VRK2: variants seen among roughly 807,000 people sequenced by gnomAD.
VRK2 encodes serine/threonine-protein kinase VRK2.
In VRK2, 60 loss-of-function variants were observed where a neutral mutation model predicts 57.6. That is an observed-to-expected ratio of 1.04 (90% CI 0.85 to 1.29). The LOEUF is 1.29. VRK2 is among the 50% of genes most tolerant of loss of function. The pLI, the probability that VRK2 is intolerant of heterozygous loss-of-function variation, is 0.00. For synonymous variants in VRK2, 231 were observed against 199.2 expected (o/e 1.16, Z -1.35); for missense variants, 705 against 588.1 (o/e 1.20, Z -2.06).
At chr2:57,911,129 GA>G (rs1669973307) in intron 1 of VRK2, among the ~76,000 whole-genome samples, 1 of 151,446 alleles carries the variant, frequency 6.6e-6, no homozygotes, top group African/African-American at 2.4e-5. Flanking sequence ...GGCAAAATAT[GA>G]AAATCATTAC....
chr2:57,997,394 GA>G lies in VRK2; in HGVS notation c.-438-28270del, dbSNP rs1388426603. 2.6e-5 allele frequency among the ~76,000 whole-genome samples: 4 copies of G among 152,188 alleles called. No homozygotes were observed. The East Asian group carries it at 7.7e-4, about 29-fold the overall frequency. ...AGAATATCCTCAGTGATGGGGAGTT[GA>G]GAGATGCAATAAGATCAATAAGAAA... On this transcript the variant is annotated intron_variant, in intron 1 of 15. Transcript: ENST00000417641.
At position 57,988,264 on chromosome 2, in the gene VRK2, T is replaced by TTTG. The variant is rs1572940957; in HGVS notation, c.-438-37401_-438-37400insTTG. On this transcript the variant is annotated intron_variant, in intron 1 of 15. Coordinates refer to the VRK2 transcript ENST00000417641. ...TTTAACATTTTCAAAATATTTATGTTAAAATCTCTTCACATAGTTTTATGA... is the reference window on the plus strand; with the variant it reads ...TTTAACATTTTCAAAATATTTATGTTTTGAAAATCTCTTCACATAGTTTTATGA... Among the ~76,000 whole-genome samples the TTTG allele has an allele frequency of 2.0e-5, 3 of 152,244 alleles. No individual in the cohort carries two copies. In the East Asian group the frequency reaches 5.8e-4, roughly 29 times the overall value.
At chr2:58,085,210 C>T (rs1671451741) in intron 4 of VRK2, among the ~76,000 whole-genome samples, 1 of 151,820 alleles carries the variant, frequency 6.6e-6, no homozygotes, top group Non-Finnish European at 1.5e-5. Context: ...TTAATCTAAG[C>T]TACCAAGAGT....
intron 7 of VRK2, among the ~76,000 whole-genome samples, chr2:58,103,326 G>T (rs1157348730): frequency 1.3e-5 from 2 of 150,730 alleles, no homozygotes; most frequent in East Asian, 3.9e-4. Flanking sequence ...TCTTTAAAAA[G>T]AAAAACTAAA....
intron 1 of VRK2, among the ~76,000 whole-genome samples, chr2:57,919,722 C>T (rs536520220): frequency 6.0e-4 from 92 of 152,172 alleles, no homozygotes; most frequent in African/African-American, 2.1e-3. Context: ...ACCTGGCAGG[C>T]AGCTAGGGGC....
At chr2:57,929,745 T>C (rs1302964535) in intron 1 of VRK2, among the ~76,000 whole-genome samples, 1 of 152,070 alleles carries the variant, frequency 6.6e-6, no homozygotes, top group Non-Finnish European at 1.5e-5. Flanking sequence ...TTGCTGATTA[T>C]TCAGGGTCCA....
At chr2:58,126,703 A>G (rs1405086042) in intron 8 of VRK2, among the ~76,000 whole-genome samples, 3 of 152,132 alleles carry the variant, frequency 2.0e-5, no homozygotes, top group Non-Finnish European at 4.4e-5. Flanking sequence ...ATCATTTAGT[A>G]TAAAATTAGA....
chr2:57,961,805 A>G (rs1391518274), intron 1 of VRK2, among the ~76,000 whole-genome samples: 1 of 152,178 alleles, frequency 6.6e-6, no homozygotes, highest in Non-Finnish European at 1.5e-5. Context: ...GGCTGGGGGC[A>G]GTGGCTCACG....
intron 7 of VRK2, among the ~76,000 whole-genome samples, chr2:58,113,326 A>T (rs1675874757): frequency 6.6e-6 from 1 of 151,938 alleles, no homozygotes; most frequent in South Asian, 2.1e-4. Flanking sequence ...AAAAAAAAAA[A>T]AAAAGACAGT....
intron 7 of VRK2, among the ~76,000 whole-genome samples, chr2:58,100,293 T>C (rs1245670770): frequency 6.6e-6 from 1 of 152,038 alleles, no homozygotes; most frequent in Non-Finnish European, 1.5e-5. Flanking sequence ...GTAGTGTTTC[T>C]TGTGTTCACC....
intron 3 of VRK2, among the ~76,000 whole-genome samples, chr2:58,039,587 G>A (rs758475689): frequency 1.3e-5 from 2 of 152,000 alleles, no homozygotes; most frequent in Non-Finnish European, 2.9e-5. Context: ...GCATATTAAA[G>A]ACTCAGGATT....
At chr2:58,054,907 G>A (rs1212881370) in intron 2 of VRK2, among the ~76,000 whole-genome samples, 1 of 152,188 alleles carries the variant, frequency 6.6e-6, no homozygotes, top group Non-Finnish European at 1.5e-5. Context: ...ATTATTTCAA[G>A]ATAATTGTTG....
At chr2:57,994,637 T>C (rs929237120) in intron 1 of VRK2, among the ~76,000 whole-genome samples, 1 of 152,162 alleles carries the variant, frequency 6.6e-6, no homozygotes, top group Non-Finnish European at 1.5e-5. Context: ...TCCCAAATTA[T>C]TGAGTTTTGG....
chr2:58,099,788 T>C (rs960494900), intron 7 of VRK2, among the ~76,000 whole-genome samples: 18 of 152,084 alleles, frequency 1.2e-4, no homozygotes, highest in African/African-American at 4.1e-4. Context: ...GGTTCTAGTT[T>C]CAGCACTGCC....
At chr2:57,969,199 C>A (rs1672016247) in intron 1 of VRK2, among the ~76,000 whole-genome samples, 1 of 151,788 alleles carries the variant, frequency 6.6e-6, no homozygotes, top group African/African-American at 2.4e-5. Flanking sequence ...AAGAGGGGAT[C>A]AACATGACAA....
At chr2:57,921,235 C>T (rs886785840) in intron 1 of VRK2, among the ~76,000 whole-genome samples, 3 of 151,868 alleles carry the variant, frequency 2.0e-5, no homozygotes, top group Non-Finnish European at 4.4e-5. Flanking sequence ...CTGGAGAAGG[C>T]ATCTAAGTAA....
In VRK2 at chr2:57,999,075, G is replaced by A. The variant is rs189667918; in HGVS notation, c.-438-26590G>A. On this transcript the variant is annotated intron_variant, in intron 1 of 15. Coordinates refer to the VRK2 transcript ENST00000417641. ...CATTATAAGGTATAAGGGGGTGGGGGGATCTCAGAACACTTGGGTTCATTT... is the reference window on the plus strand; with the variant it reads ...CATTATAAGGTATAAGGGGGTGGGGAGATCTCAGAACACTTGGGTTCATTT... 1.1e-4 allele frequency among the ~76,000 whole-genome samples: 17 copies of A among 151,936 alleles called. No homozygotes were observed. The East Asian group carries it at 3.1e-3, about 28-fold the overall frequency.
chr2:57,957,818 C>T (rs1019153889), intron 1 of VRK2, among the ~76,000 whole-genome samples: 3 of 151,992 alleles, frequency 2.0e-5, no homozygotes, highest in African/African-American at 7.2e-5. Flanking sequence ...TCCTTTCCAT[C>T]ACCCTAACTG....
At chr2:58,086,541 C>A in intron 5 of VRK2, 115 bp downstream of exon 5, 1 of 816,412 alleles carries the variant, frequency 1.2e-6, no homozygotes, top group Non-Finnish European at 1.9e-6. Flanking sequence ...TAACCACAAA[C>A]TTGTATTGTC....
Sources: allele counts gnomAD v4.1 joint callset (sites outside exome capture counted in the v4.1 genomes callset), GRCh38; gene constraint gnomAD v4.1.1; transcripts MANE v1.5; gene names NCBI Gene and HGNC (gene_info 2026-07-23, HGNC 2026-07-21).